CD44: variants seen among roughly 807,000 people sequenced by gnomAD.
The protein encoded by CD44 is CD44 antigen.
CD44 carries 49 observed loss-of-function variants against 88.8 expected under a neutral mutation model. The ratio of observed to expected loss-of-function variants is 0.55; its 90% CI spans 0.44 to 0.70. CD44 has a LOEUF of 0.70. CD44 is among the 30% of genes least tolerant of loss of function. The pLI is 0.00. For synonymous variants in CD44, 325 were observed against 312.3 expected, an observed-to-expected ratio of 1.04 and a Z score of -0.43; for missense variants, 883 against 913.8, an observed-to-expected ratio of 0.97 and a Z score of 0.43.
chr11:35,182,558 C>A (rs1244092788), intron 3 of CD44, among the ~76,000 whole-genome samples: 1 of 152,112 alleles, frequency 6.6e-6, no homozygotes. Flanking sequence ...TACTCAGTTC[C>A]CATACCCATG....
At chr11:35,149,951 A>G (rs1031385407) in intron 1 of CD44, among the ~76,000 whole-genome samples, 4 of 152,252 alleles carry the variant, frequency 2.6e-5, no homozygotes, top group Middle Eastern at 3.2e-3. Flanking sequence ...AGGTGAGCAG[A>G]TGAAGCAGCT....
Position 35,232,291 on chromosome 11 carries a change from A to G in CD44, c.*2958A>G, listed in dbSNP as rs139896508. 9 of 152,764 alleles carry G rather than the reference A, an allele frequency of 5.9e-5. No individual in the cohort carries two copies. In the East Asian group the frequency reaches 1.5e-3, roughly 26 times the overall value. 9.5% of individuals were successfully genotyped at this position (152,764 alleles called of 1,614,324 possible). ...CACACCCTTCCTCTGGTTTTTGTAT[A>G]TTTATTGATGGATCAATAATAATGA... On this transcript the variant is annotated 3_prime_UTR_variant, in exon 18 of 18. Coordinates refer to ENST00000428726, the MANE Select transcript of CD44 (RefSeq NM_000610.4).
intron 3 of CD44, 86 bp downstream of exon 3, chr11:35,180,493 C>A: frequency 7.1e-7 from 1 of 1,414,914 alleles, no homozygotes; most frequent in Middle Eastern, 1.9e-4. Context: ...ATTCATGTAG[C>A]CTCCATTTAC....
rs1212427269 is a variant in CD44 at position 35,219,325 on chromosome 11, A to G, written c.1883A>G (p.His628Arg). The G allele has an allele frequency of 6.2e-7, 1 of 1,613,628 alleles. No homozygotes were observed. Among genetic ancestry groups the G allele is most frequent in the Admixed American group, 1.7e-5 (1 of 60,008 alleles). Residue 628 changes from histidine (H) to arginine (R), a missense_variant, in exon 16 of 18, where the codon CAT becomes CGT. Physicochemically the swap from His to Arg is conservative, Grantham distance 29. Around this residue, in one of 2 missense-constraint regions of CD44, gnomAD observed 631 missense variants for 590.9 expected, o/e 1.07. Transcript: ENST00000428726. ...THGSESDGHS[H>R]GSQEGGANTT... is the part of the protein sequence containing the mutation. Reference sequence around the variant, plus strand: ...TTGTTTTTCCCCTTAGGACACTCACATGGGAGTCAAGAAGGTGGAGCAAAC... The same window carrying G: ...TTGTTTTTCCCCTTAGGACACTCACGTGGGAGTCAAGAAGGTGGAGCAAAC...
intron 3 of CD44, among the ~76,000 whole-genome samples, chr11:35,182,284 C>G (rs1047635605): frequency 6.6e-6 from 1 of 151,704 alleles, no homozygotes; most frequent in Non-Finnish European, 1.5e-5. Context: ...GTTGTGTGAA[C>G]AGTAGGGATC....
intron 4 of CD44, among the ~76,000 whole-genome samples, chr11:35,188,334 G>T (rs1275847146): frequency 6.6e-6 from 1 of 152,210 alleles, no homozygotes; most frequent in Non-Finnish European, 1.5e-5. Flanking sequence ...AGCAGGCCTG[G>T]TATGAAATCC....
chr11:35,222,578 G>A (rs1223028069), intron 17 of CD44: 34 of 847,890 alleles, frequency 4.0e-5, no homozygotes, highest in Non-Finnish European at 4.8e-5. Context: ...AGGTTTACAT[G>A]TTATTTACAT....
chr11:35,167,852 C>G (rs1202442676), intron 1 of CD44, among the ~76,000 whole-genome samples: 1 of 152,232 alleles, frequency 6.6e-6, no homozygotes, highest in East Asian at 1.9e-4. Flanking sequence ...CCTAAGAGCC[C>G]TGCCTAATTG....
intron 1 of CD44, among the ~76,000 whole-genome samples, chr11:35,152,821 C>G (rs986557539): frequency 1.3e-5 from 2 of 152,294 alleles, no homozygotes; most frequent in African/African-American, 4.8e-5. Flanking sequence ...CCCTTGCTCT[C>G]AGTGCCAGCT....
At chr11:35,191,552 A>AT (rs1311737899) in intron 5 of CD44, among the ~76,000 whole-genome samples, 1 of 152,108 alleles carries the variant, frequency 6.6e-6, no homozygotes, top group Non-Finnish European at 1.5e-5. Context: ...TAAAGTAACC[A>AT]TGTCGAAGGT....
intron 17 of CD44, among the ~76,000 whole-genome samples, chr11:35,224,886 G>C (rs1309868648): frequency 6.6e-6 from 1 of 152,262 alleles, no homozygotes; most frequent in East Asian, 1.9e-4. Context: ...ATAAACCCCA[G>C]CAGGCAGTCA....
chr11:35,166,142 T>C (rs965590695), intron 1 of CD44, among the ~76,000 whole-genome samples: 3 of 152,180 alleles, frequency 2.0e-5, no homozygotes, highest in East Asian at 3.9e-4. Flanking sequence ...ATTTACCACA[T>C]CCTGGGTTTG....
chr11:35,209,187 G>A (rs185884293), intron 12 of CD44, among the ~76,000 whole-genome samples: 3 of 150,166 alleles, frequency 2.0e-5, no homozygotes, highest in Non-Finnish European at 4.4e-5. Context: ...TTTTGCACCT[G>A]CAACTCAGGT....
intron 10 of CD44, 123 bp from the exon 11 acceptor site, chr11:35,205,989 T>C: frequency 1.5e-6 from 2 of 1,378,084 alleles, no homozygotes; most frequent in South Asian, 1.8e-5. Context: ...TTGCCCTCTA[T>C]ACAAGGAAGA....
intron 3 of CD44, among the ~76,000 whole-genome samples, chr11:35,183,320 CTTG>C (rs1261896540): frequency 7.1e-6 from 1 of 141,818 alleles, no homozygotes; most frequent in East Asian, 2.0e-4. Flanking sequence ...AGTTAACAAT[CTTG>C]TTGAAGCAAT....
chr11:35,207,424 G>C (rs902303222), intron 11 of CD44, among the ~76,000 whole-genome samples: 1 of 152,214 alleles, frequency 6.6e-6, no homozygotes, highest in African/African-American at 2.4e-5. Flanking sequence ...TATTTCAGCA[G>C]AGTAGATCTG....
chr11:35,223,014 A>G, intron 17 of CD44: 2 of 985,422 alleles, frequency 2.0e-6, no homozygotes, highest in Non-Finnish European at 2.4e-6. Context: ...GAGAAAATCA[A>G]ATGATGCTGT....
intron 7 of CD44, among the ~76,000 whole-genome samples, chr11:35,200,203 G>C (rs557802203): frequency 6.6e-6 from 1 of 151,932 alleles, no homozygotes; most frequent in African/African-American, 2.4e-5. Context: ...ACAGTTTTGC[G>C]TTATTTGGGT....
intron 1 of CD44, among the ~76,000 whole-genome samples, chr11:35,168,680 C>T (rs1057310340): frequency 1.3e-5 from 2 of 152,214 alleles, no homozygotes; most frequent in African/African-American, 4.8e-5. Flanking sequence ...ATCAGGCACA[C>T]CTGGGTGGCT....
Sources: allele counts gnomAD v4.1 joint callset (sites outside exome capture counted in the v4.1 genomes callset), GRCh38; gene constraint gnomAD v4.1.1; regional missense constraint gnomAD v4.1.1; transcripts MANE v1.5; gene names NCBI Gene and HGNC (gene_info 2026-07-23, HGNC 2026-07-21).